Variants in INTS10 observed in about 807,000 individuals in gnomAD.
INTS10 encodes integrator complex subunit 10.
A neutral mutation model predicts 94.4 loss-of-function variants in INTS10; 44 were observed. The observed-to-expected ratio is 0.47, with a 90% CI of 0.37 to 0.60. The LOEUF (loss-of-function observed/expected upper bound fraction) is 0.60, where lower values mean the gene tolerates loss of function less well. Ranked by LOEUF, INTS10 falls within the 20% of genes least tolerant of loss-of-function variation. The pLI is 0.00. For synonymous variants in INTS10, 341 were observed against 320.7 expected (o/e 1.06, Z -0.68); for missense variants, 797 against 868.7 (o/e 0.92, Z 1.04).
intron 8 of INTS10, among the ~76,000 whole-genome samples, chr8:19,826,015 C>G (rs2066759891): frequency 6.6e-6 from 1 of 152,140 alleles, no homozygotes; most frequent in South Asian, 2.1e-4. Flanking sequence ...AATGACGTTT[C>G]TCATGACAGT....
At position 19,832,064 on chromosome 8, in the gene INTS10, C is replaced by T. The variant is rs1229094379; in HGVS notation, c.1331C>T (p.Thr444Ile). The change falls in exon 11 of 17, where the codon ACT becomes ATT. Residue 444 changes from threonine (T) to isoleucine (I), a missense_variant. This residue lies in a region of INTS10 where 734 missense variants were observed against 787.8 expected (regional missense o/e 0.93). Transcript: ENST00000397977. ...TRICLAWKTD[T>I]WLWLRIFLTD... Reference sequence around the variant, plus strand: ...ATTTGCTTGGCCTGGAAGACGGATACTTGGCTTTGGTTAAGAATCTTCCTC... The same window carrying T: ...ATTTGCTTGGCCTGGAAGACGGATATTTGGCTTTGGTTAAGAATCTTCCTC... 7 of 1,607,926 alleles carry T rather than the reference C, an allele frequency of 4.4e-6. No homozygotes were observed. The highest frequency in any genetic ancestry group is 6.0e-6 in the Non-Finnish European group (7 of 1,174,434).
chr8:19,818,482 T>C, intron 2 of INTS10, 140 bp downstream of exon 2: 1 of 739,464 alleles, frequency 1.4e-6, no homozygotes, highest in South Asian at 1.6e-5. Context: ...TAGTAAGGAG[T>C]CCAGGCCTGC....
At chr8:19,820,095 A>T (rs888354196) in intron 3 of INTS10, among the ~76,000 whole-genome samples, 1 of 152,274 alleles carries the variant, frequency 6.6e-6, no homozygotes, top group South Asian at 2.1e-4. Context: ...CAACAAGCAC[A>T]TGCTCTCTAT....
At chr8:19,817,930 T>C (rs1286243331) in intron 1 of INTS10, among the ~76,000 whole-genome samples, 1 of 152,158 alleles carries the variant, frequency 6.6e-6, no homozygotes, top group Non-Finnish European at 1.5e-5. Flanking sequence ...TCGGGTGTGC[T>C]TAGGTCCCTG....
At chr8:19,833,093 C>A in intron 11 of INTS10, 76 bp from the exon 12 acceptor site, 2 of 1,336,816 alleles carry the variant, frequency 1.5e-6, no homozygotes, top group Non-Finnish European at 2.0e-6. Flanking sequence ...GCTTCGTGAA[C>A]CCTGGAACGG....
Position 19,824,404 on chromosome 8 carries a change from A to G in INTS10, c.836+360A>G. ...CTACTCGGGAGGCTGAGGTGAGAAA[A>G]TCACTTGAACCCAGGACGTGGAGGC... On this transcript the variant is annotated intron_variant, in intron 7 of 16. Transcript: ENST00000397977. 2 of 186,962 alleles carry G rather than the reference A, an allele frequency of 1.1e-5. 1 individual carries two copies. Among genetic ancestry groups the G allele is most frequent in the Admixed American group, 1.2e-4 (2 of 16,548 alleles). The allele number at this position is 186,962 out of a possible 1,614,324, so 11.6% of individuals were successfully genotyped here. A position where few individuals can be genotyped will look rare whatever the true frequency, so the allele number is the denominator to read the frequency against.
At chr8:19,845,647 C>T (rs1464407409) in intron 15 of INTS10, 57 bp from the exon 16 acceptor site, 2 of 1,257,056 alleles carry the variant, frequency 1.6e-6, no homozygotes, top group Non-Finnish European at 2.3e-6. Context: ...CCCATTTCCT[C>T]ATCAGAGAAA....
chr8:19,824,747 T>C, intron 7 of INTS10, 56 bp from the exon 8 acceptor site: 7 of 1,315,016 alleles, frequency 5.3e-6, no homozygotes, highest in Non-Finnish European at 7.4e-6. Flanking sequence ...TTCTCTAGAC[T>C]TCTTGCTGAC....
At chr8:19,833,098 G>A in intron 11 of INTS10, 71 bp from the exon 12 acceptor site, 2 of 1,369,920 alleles carry the variant, frequency 1.5e-6, no homozygotes, top group Admixed American at 2.5e-5. Flanking sequence ...GTGAACCCTG[G>A]AACGGTATTT....
chr8:19,830,322 G>A, intron 9 of INTS10, 84 bp from the exon 10 acceptor site: 1 of 1,218,508 alleles, frequency 8.2e-7, no homozygotes, highest in Non-Finnish European at 1.1e-6. Context: ...TCATATCACG[G>A]GCCAAACTGG....
chr8:19,834,898 C>T (rs919116527), intron 12 of INTS10, among the ~76,000 whole-genome samples: 3 of 152,058 alleles, frequency 2.0e-5, no homozygotes, highest in Non-Finnish European at 2.9e-5. Flanking sequence ...TCCTGCTTCC[C>T]GGATCATAGA....
chr8:19,836,186 A>G (rs2067647312), intron 12 of INTS10, among the ~76,000 whole-genome samples: 1 of 151,356 alleles, frequency 6.6e-6, no homozygotes, highest in African/African-American at 2.4e-5. Flanking sequence ...AAAATTACCT[A>G]GAGACCCAGA....
chr8:19,832,830 A>T (rs1295060271), intron 11 of INTS10, among the ~76,000 whole-genome samples: 1 of 152,200 alleles, frequency 6.6e-6, no homozygotes, highest in Non-Finnish European at 1.5e-5. Flanking sequence ...TCCTTCATAA[A>T]GGAGAAGTGG....
At chr8:19,837,182 C>T in intron 13 of INTS10, 22 bp downstream of exon 13, 1 of 1,461,168 alleles carries the variant, frequency 6.8e-7, no homozygotes, top group South Asian at 1.1e-5. Flanking sequence ...TGTTTTATGA[C>T]TATTTTGTAA....
intron 5 of INTS10, among the ~76,000 whole-genome samples, chr8:19,823,050 A>G (rs1056465417): frequency 8.5e-5 from 13 of 152,176 alleles, no homozygotes; most frequent in Non-Finnish European, 1.6e-4. Context: ...TATGAAGCAT[A>G]GTAATAAACA....
intron 12 of INTS10, among the ~76,000 whole-genome samples, chr8:19,833,629 T>C (rs1561749): frequency 0.37 from 56,503 of 151,954 alleles, 11,454 homozygotes; most frequent in Non-Finnish European, 0.46. Context: ...GTCTCTTCTG[T>C]TGTACTTGGA....
intron 12 of INTS10, among the ~76,000 whole-genome samples, chr8:19,833,957 A>G (rs1027286265): frequency 6.6e-6 from 1 of 151,014 alleles, no homozygotes; most frequent in Non-Finnish European, 1.5e-5. Context: ...CAGTGAGCCA[A>G]GATTGTGCCA....
chr8:19,825,380 G>T (rs187481482), intron 8 of INTS10, among the ~76,000 whole-genome samples: 3 of 152,154 alleles, frequency 2.0e-5, no homozygotes, highest in Non-Finnish European at 4.4e-5. Context: ...ACAAATATTA[G>T]CTGGGCATGA....
chr8:19,820,013 T>C (rs1377834054), intron 3 of INTS10, among the ~76,000 whole-genome samples: 1 of 152,248 alleles, frequency 6.6e-6, no homozygotes, highest in Non-Finnish European at 1.5e-5. Context: ...AACTTCTGTA[T>C]GTTGCTGTAG....
Sources: allele counts gnomAD v4.1 joint callset (sites outside exome capture counted in the v4.1 genomes callset), GRCh38; gene constraint gnomAD v4.1.1; regional missense constraint gnomAD v4.1.1; transcripts MANE v1.5; gene names NCBI Gene and HGNC (gene_info 2026-07-23, HGNC 2026-07-21).